The following EPHA7 variants were observed in gnomAD, a reference collection of about 807,000 sequenced individuals.
EPHA7 encodes EPH receptor A7.
EPHA7 carries 25 observed loss-of-function variants against 112.6 expected under a neutral mutation model. The ratio of observed to expected loss-of-function variants is 0.22; its 90% confidence interval spans 0.16 to 0.31. The LOEUF is 0.31. EPHA7 is among the 10% of genes least tolerant of loss of function. The pLI, the probability that EPHA7 is intolerant of heterozygous loss-of-function variation, is 1.00. For synonymous variants in EPHA7, 437 were observed against 406.5 expected, an observed-to-expected ratio of 1.07 and a Z score of -0.90; for missense variants, 962 against 1,212.6, an observed-to-expected ratio of 0.79 and a Z score of 3.07.
chr6:93,392,384 G>C (rs1235631864), intron 3 of EPHA7, among the ~76,000 whole-genome samples: 1 of 151,830 alleles, frequency 6.6e-6, no homozygotes, highest in Non-Finnish European at 1.5e-5. Flanking sequence ...AATAGGAAAA[G>C]GTGGGAAATG....
At chr6:93,283,071 G>C (rs1771849219) in intron 5 of EPHA7, among the ~76,000 whole-genome samples, 1 of 152,204 alleles carries the variant, frequency 6.6e-6, no homozygotes, top group African/African-American at 2.4e-5. Context: ...CTGGGCTCCT[G>C]AGTCTAGTGG....
intron 5 of EPHA7, among the ~76,000 whole-genome samples, chr6:93,353,566 CCATTTTGCCTTGA>C (rs1203280908): frequency 2.6e-5 from 4 of 152,096 alleles, no homozygotes; most frequent in South Asian, 2.1e-4. Flanking sequence ...AGAAATTGGT[CCATTTTGCCTTGA>C]CAGGTTCCCA....
intron 5 of EPHA7, among the ~76,000 whole-genome samples, chr6:93,280,813 T>C (rs1365097716): frequency 6.6e-6 from 1 of 151,710 alleles, no homozygotes; most frequent in Non-Finnish European, 1.5e-5. Context: ...TGGTAAGAAT[T>C]CCAAAAAAAA....
chr6:93,270,166 C>G (rs995909237), intron 6 of EPHA7, among the ~76,000 whole-genome samples: 1 of 151,518 alleles, frequency 6.6e-6, no homozygotes, highest in Non-Finnish European at 1.5e-5. Flanking sequence ...CCCTGAATTT[C>G]TCACAGAATA....
chr6:93,325,018 A>G (rs1163388337), intron 5 of EPHA7, among the ~76,000 whole-genome samples: 1 of 151,300 alleles, frequency 6.6e-6, no homozygotes, highest in African/African-American at 2.4e-5. Context: ...TACCTTTTCT[A>G]AAACTGGGGT....
intron 5 of EPHA7, among the ~76,000 whole-genome samples, chr6:93,351,349 G>T (rs934871044): frequency 7.9e-5 from 12 of 151,850 alleles, no homozygotes; most frequent in African/African-American, 2.9e-4. Context: ...CTCTCTGATG[G>T]TGTTGATCCC....
chr6:93,388,736 A>T (rs1220626539), intron 3 of EPHA7, among the ~76,000 whole-genome samples: 3 of 152,066 alleles, frequency 2.0e-5, no homozygotes, highest in African/African-American at 7.2e-5. Flanking sequence ...ACAATATATT[A>T]TAATCACAGG....
intron 5 of EPHA7, among the ~76,000 whole-genome samples, chr6:93,348,579 G>A (rs139695564): frequency 6.6e-6 from 1 of 151,710 alleles, no homozygotes; most frequent in African/African-American, 2.4e-5. Context: ...TAAAATTCCT[G>A]TGTAAATACC....
intron 3 of EPHA7, among the ~76,000 whole-genome samples, chr6:93,382,882 CA>C (rs1436990577): frequency 6.6e-6 from 1 of 152,140 alleles, no homozygotes; most frequent in East Asian, 1.9e-4. Flanking sequence ...AGCCACTATC[CA>C]GAGCCACATT....
chr6:93,241,074 T>G lies in EPHA7; in HGVS notation c.*2352A>C, dbSNP rs1215195576. On this transcript the variant is annotated 3_prime_UTR_variant, in exon 17 of 17. Coordinates refer to ENST00000369303, the MANE Select transcript of EPHA7 (RefSeq NM_004440.4). ...ATTTTTGAAAAAAACTCAAAAAAAC[T>G]TTTATTCTGCCCTTCTACTCAAGAA... is the stretch of plus-strand genomic sequence containing the variant. 4.8e-6 allele frequency: 1 copy of G among 207,686 alleles called. No homozygotes were observed. Among genetic ancestry groups the G allele is most frequent in the East Asian group, 7.4e-5 (1 of 13,596 alleles). 12.9% of individuals were successfully genotyped at this position (207,686 alleles called of 1,614,324 possible).
chr6:93,385,555 TAAC>T (rs1777556339), intron 3 of EPHA7, among the ~76,000 whole-genome samples: 2 of 152,170 alleles, frequency 1.3e-5, no homozygotes, highest in South Asian at 2.1e-4. Context: ...TATTTTTATT[TAAC>T]AACAACCAAA....
At chr6:93,296,547 A>G (rs1368632415) in intron 5 of EPHA7, among the ~76,000 whole-genome samples, 2 of 150,758 alleles carry the variant, frequency 1.3e-5, no homozygotes, top group Non-Finnish European at 3.0e-5. Flanking sequence ...TTGCCACCAC[A>G]TAGATGAACC....
At chr6:93,402,713 G>A (rs996792859) in intron 3 of EPHA7, among the ~76,000 whole-genome samples, 3 of 151,812 alleles carry the variant, frequency 2.0e-5, no homozygotes, top group Admixed American at 2.0e-4. Flanking sequence ...ATCATGTTTT[G>A]TTTCTTTCTG....
chr6:93,312,048 A>C (rs1582499291), intron 5 of EPHA7, among the ~76,000 whole-genome samples: 1 of 152,300 alleles, frequency 6.6e-6, no homozygotes, highest in Non-Finnish European at 1.5e-5. Flanking sequence ...TCAAGGCTTC[A>C]TTGATACACT....
intron 3 of EPHA7, among the ~76,000 whole-genome samples, chr6:93,394,297 A>G (rs1475695405): frequency 6.6e-6 from 1 of 151,510 alleles, no homozygotes; most frequent in Non-Finnish European, 1.5e-5. Flanking sequence ...CGCACCTTTT[A>G]TATATATATA....
At position 93,364,991 on chromosome 6, in the gene EPHA7, A is replaced by T. The variant is rs943611997; in HGVS notation, c.833-6580T>A. ...TATTTGTGATTGAATTTCTGAATAGATATTAAACATTTTTATTTTTCATCC... is the reference window on the plus strand; with the variant it reads ...TATTTGTGATTGAATTTCTGAATAGTTATTAAACATTTTTATTTTTCATCC... On this transcript the variant is annotated intron_variant, in intron 3 of 16. Coordinates refer to ENST00000369303, the MANE Select transcript of EPHA7 (RefSeq NM_004440.4). Among the ~76,000 whole-genome samples, 4 of 152,264 alleles carry T rather than the reference A, an allele frequency of 2.6e-5. No homozygotes were observed. In the East Asian group the frequency reaches 7.7e-4, roughly 29 times the overall value.
intron 3 of EPHA7, among the ~76,000 whole-genome samples, chr6:93,380,779 A>T (rs1777298543): frequency 6.6e-6 from 1 of 152,164 alleles, no homozygotes; most frequent in South Asian, 2.1e-4. Context: ...CTTTCTATAT[A>T]GCAGATAACT....
Position 93,356,923 on chromosome 6 carries a change from C to T in EPHA7, c.1118G>A (p.Ser373Asn). 6.2e-7 allele frequency: 1 copy of T among 1,614,170 alleles called. No homozygotes were observed. Among genetic ancestry groups the T allele is most frequent in the Non-Finnish European group, 8.5e-7 (1 of 1,180,030 alleles). The stretch of plus-strand genomic sequence containing the variant: ...GGGAACACATTCGCCCTGCTCCCAA[C>T]TGCACCGCTTACACAATATTCTGTA... Reference protein sequence around the residue: ...VTYRILCKRCSWEQGECVPCG... With the variant: ...VTYRILCKRCNWEQGECVPCG... Residue 373 changes from serine to asparagine, a missense_variant, in exon 5 of 17, where the codon AGT (serine) becomes AAT (asparagine). Physicochemically the swap from Ser to Asn is conservative, Grantham distance 46 (BLOSUM62 1). This residue lies in a region of EPHA7 where 746 missense variants were observed against 889.2 expected (regional missense o/e 0.84). Transcript: ENST00000369303.
At chr6:93,380,821 A>T (rs117545670) in intron 3 of EPHA7, among the ~76,000 whole-genome samples, 1,674 of 152,224 alleles carry the variant, frequency 0.011, 20 homozygotes, top group Admixed American at 0.019. Context: ...CTTGTCTTTT[A>T]TTAACTCCAT....
Sources: gnomAD v4.1 joint callset for allele counts (sites outside exome capture counted in the v4.1 genomes callset) on GRCh38, gnomAD v4.1.1 for gene constraint, gnomAD v4.1.1 regional missense constraint, MANE v1.5 for transcripts, NCBI Gene and HGNC (gene_info 2026-07-23, HGNC 2026-07-21) for gene names.